SH3D19: variants seen among roughly 807,000 people sequenced by gnomAD.
SH3D19 encodes SH3 domain-containing protein 19.
In SH3D19, 58 loss-of-function variants were observed where a neutral mutation model predicts 112.1. That is an observed-to-expected ratio of 0.52 (90% CI 0.42 to 0.64). The LOEUF (loss-of-function observed/expected upper bound fraction) is 0.64, where lower values mean the gene tolerates loss of function less well. Ranked by LOEUF, SH3D19 falls within the 30% of genes least tolerant of loss-of-function variation. The pLI, the probability that SH3D19 is intolerant of heterozygous loss-of-function variation, is 0.00. For synonymous variants in SH3D19, 391 were observed against 448.5 expected, an observed-to-expected ratio of 0.87 and a Z score of 1.62; for missense variants, 1,090 against 1,263.4, an observed-to-expected ratio of 0.86 and a Z score of 2.08.
chr4:151,193,856 G>A (rs1763008069), intron 2 of SH3D19, among the ~76,000 whole-genome samples: 1 of 152,024 alleles, frequency 6.6e-6, no homozygotes, highest in African/African-American at 2.4e-5. Flanking sequence ...AAGGAACCAA[G>A]GAATTAATAA....
chr4:151,299,563 A>C lies in SH3D19; in HGVS notation c.112+25678T>G, dbSNP rs574663118. On this transcript the variant is annotated intron_variant, in intron 1 of 19. Transcript: ENST00000604030. ...CCACTGCACTCCAGCCTGGGCAACA[A>C]GAGCGAAACTCCGTCTCAAAAAAAA... Among the ~76,000 whole-genome samples, 679 of 145,346 alleles carry C rather than the reference A, an allele frequency of 4.7e-3. 4 individuals carry two copies. The highest frequency in any genetic ancestry group is 8.0e-3 in the Non-Finnish European group (532 of 66,398).
Position 151,159,343 on chromosome 4 carries a change from T to C in SH3D19, c.1652A>G (p.Glu551Gly), listed in dbSNP as rs781327385. The change falls in exon 9 of 20, where the codon GAG (glutamate) becomes GGG (glycine). Residue 551 changes from glutamate (E) to glycine (G), a missense_variant. By Grantham distance (98) the Glu-to-Gly change is moderately conservative. Coordinates refer to ENST00000604030, the MANE Select transcript of SH3D19 (RefSeq NM_001378122.1). ...IPAKPGKCLH[E>G]DPQSPPPLPA... is the part of the protein sequence containing the mutation. ...GAGAGGAGGTGGACTTTGTGGATCCTCATGTAAACCTGGAAAAAGTAGCAG... is the reference window on the plus strand; with the variant it reads ...GAGAGGAGGTGGACTTTGTGGATCCCCATGTAAACCTGGAAAAAGTAGCAG... The C allele has an allele frequency of 1.8e-5, 28 of 1,572,228 alleles. No individual in the cohort carries two copies. Among genetic ancestry groups the C allele is most frequent in the Non-Finnish European group, 6.0e-6 (7 of 1,161,010 alleles).
chr4:151,250,893 T>A lies in SH3D19; in HGVS notation c.113-24807A>T, dbSNP rs1771327003. On this transcript the variant is annotated intron_variant, in intron 1 of 19. Transcript: ENST00000604030. ...CAGTTTGGCTGGATACGTCGTTAGC[T>A]GAGGATCAGTCAACAAAGACTGTTG... 2.6e-5 allele frequency among the ~76,000 whole-genome samples: 4 copies of A among 152,172 alleles called. No homozygotes were observed. In the South Asian group the frequency reaches 8.3e-4, roughly 32 times the overall value.
intron 1 of SH3D19, among the ~76,000 whole-genome samples, chr4:151,311,110 T>C (rs1729411930): frequency 6.6e-6 from 1 of 150,906 alleles, no homozygotes; most frequent in Non-Finnish European, 1.5e-5. Flanking sequence ...TAGGGAGATA[T>C]ATATGTATGT....
At chr4:151,307,776 C>A (rs17634030) in intron 1 of SH3D19, among the ~76,000 whole-genome samples, 1 of 152,086 alleles carries the variant, frequency 6.6e-6, no homozygotes, top group African/African-American at 2.4e-5. Flanking sequence ...TATTAGCATG[C>A]GTGGTTTCCC....
intron 12 of SH3D19, among the ~76,000 whole-genome samples, chr4:151,142,972 C>T (rs2149764816): frequency 6.6e-6 from 1 of 152,102 alleles, no homozygotes; most frequent in Admixed American, 6.5e-5. Flanking sequence ...GCATGGTGAC[C>T]CATACCTGTA....
At chr4:151,259,088 C>T (rs1772169055) in intron 1 of SH3D19, among the ~76,000 whole-genome samples, 1 of 152,094 alleles carries the variant, frequency 6.6e-6, no homozygotes, top group Admixed American at 6.5e-5. Flanking sequence ...GTCTAGGCTG[C>T]AGTATGCTAT....
chr4:151,160,465 A>T (rs1756962384), intron 8 of SH3D19, among the ~76,000 whole-genome samples: 1 of 152,212 alleles, frequency 6.6e-6, no homozygotes, highest in Admixed American at 6.5e-5. Context: ...TTTACATCCA[A>T]ACCACACCCA....
At chr4:151,282,262 T>C in intron 1 of SH3D19, 1 of 1,613,936 alleles carries the variant, frequency 6.2e-7, no homozygotes, top group Non-Finnish European at 8.5e-7. Flanking sequence ...AGTACCAAGA[T>C]ACAACGGCAG....
intron 12 of SH3D19, 32 bp downstream of exon 12, chr4:151,143,878 A>T: frequency 6.3e-7 from 1 of 1,589,264 alleles, no homozygotes; most frequent in Non-Finnish European, 8.6e-7. Context: ...GCTATGTGTG[A>T]TATGAGGGCT....
At chr4:151,186,378 T>C (rs556098348) in intron 3 of SH3D19, among the ~76,000 whole-genome samples, 1 of 152,336 alleles carries the variant, frequency 6.6e-6, no homozygotes, top group East Asian at 1.9e-4. Flanking sequence ...TTAAAAAATA[T>C]ATTGTGAAAA....
chr4:151,211,609 T>G (rs1765987559), intron 2 of SH3D19, among the ~76,000 whole-genome samples: 2 of 150,312 alleles, frequency 1.3e-5, no homozygotes, highest in Admixed American at 6.6e-5. Flanking sequence ...TGAAGGAAAT[T>G]AAATGTGCTA....
intron 1 of SH3D19, among the ~76,000 whole-genome samples, chr4:151,246,675 G>A (rs1016179567): frequency 1.3e-5 from 2 of 152,118 alleles, no homozygotes; most frequent in Non-Finnish European, 2.9e-5. Flanking sequence ...GACATTGTCA[G>A]GTACTTACCT....
In SH3D19 at chr4:151,120,801, T is replaced by C. The variant is rs369158288; in HGVS notation, c.*1290A>G. The C allele has an allele frequency of 3.9e-5, 6 of 152,628 alleles. No homozygotes were observed. Among genetic ancestry groups the C allele is most frequent in the African/African-American group, 1.4e-4 (6 of 41,460 alleles). The allele number at this position is 152,628 out of a possible 1,614,324, so 9.5% of individuals were successfully genotyped here. A position where few individuals can be genotyped will look rare whatever the true frequency, so the allele number is the denominator to read the frequency against. On this transcript the variant is annotated 3_prime_UTR_variant, in exon 20 of 20. Coordinates refer to ENST00000604030, the MANE Select transcript of SH3D19 (RefSeq NM_001378122.1). ...ATAAAAGCTAAAATGTGGTCCAGCATATGAAACTCTTCTCAAAAACAGAAG... is the reference window on the plus strand; with the variant it reads ...ATAAAAGCTAAAATGTGGTCCAGCACATGAAACTCTTCTCAAAAACAGAAG...
chr4:151,144,522 C>G (rs548637722), intron 11 of SH3D19: 1 of 528,970 alleles, frequency 1.9e-6, no homozygotes, highest in East Asian at 3.1e-5. Flanking sequence ...CATGGCCTAA[C>G]ATTCCCTTAA....
intron 1 of SH3D19, among the ~76,000 whole-genome samples, chr4:151,253,665 G>A (rs1224467068): frequency 2.0e-5 from 3 of 151,840 alleles, no homozygotes; most frequent in Non-Finnish European, 2.9e-5. Context: ...GGTGTGAACC[G>A]GGGAAGCGGA....
In SH3D19 at chr4:151,273,589, CAA is replaced by C. The variant is rs60600816; in HGVS notation, c.113-47505_113-47504del. On this transcript the variant is annotated intron_variant, in intron 1 of 19. Coordinates refer to ENST00000604030, the MANE Select transcript of SH3D19 (RefSeq NM_001378122.1). The stretch of plus-strand genomic sequence containing the variant: ...TGGGCGACAGAGCGAGACTCCATCT[CAA>C]AAAAAAAAAAAAAAAAAAAAAAAGA... Among the ~76,000 whole-genome samples, 270 of 64,618 alleles carry C rather than the reference CAA, an allele frequency of 4.2e-3. 1 individual carries two copies. The highest frequency in any genetic ancestry group is 0.017 in the African/African-American group (204 of 12,362). The allele number at this position is 64,618 out of a possible 152,430, so 42.4% of individuals were successfully genotyped here.
At chr4:151,188,653 C>T (rs1372156384) in intron 2 of SH3D19, among the ~76,000 whole-genome samples, 2 of 152,154 alleles carry the variant, frequency 1.3e-5, no homozygotes, top group African/African-American at 2.4e-5. Flanking sequence ...ATCACAATCT[C>T]CTTGCTCACT....
At chr4:151,256,088 C>T (rs4339187) in intron 1 of SH3D19, among the ~76,000 whole-genome samples, 52,571 of 148,780 alleles carry the variant, frequency 0.35, 10,337 homozygotes, top group Non-Finnish European at 0.46. Context: ...TGTCTTTCTC[C>T]CTCTAGAGTT....
Sources: allele counts gnomAD v4.1 joint callset (sites outside exome capture counted in the v4.1 genomes callset), GRCh38; gene constraint gnomAD v4.1.1; transcripts MANE v1.5; gene names NCBI Gene and HGNC (gene_info 2026-07-23, HGNC 2026-07-21).